PPM1L: variants seen among roughly 807,000 people sequenced by gnomAD.
PPM1L encodes the protein protein phosphatase 1L.
PPM1L carries 13 observed loss-of-function variants against 31.4 expected under a neutral mutation model. That is an observed-to-expected ratio of 0.41 (90% confidence interval 0.27 to 0.66). PPM1L has a LOEUF of 0.66. PPM1L is among the 30% of genes least tolerant of loss of function. PPM1L has a pLI of 0.29. For missense variants in PPM1L, 326 were observed against 453.7 expected (o/e 0.72, Z 2.56); for synonymous variants, 184 against 175.4 (o/e 1.05, Z -0.39).
intron 1 of PPM1L, among the ~76,000 whole-genome samples, chr3:160,816,934 A>C (rs909881387): frequency 7.9e-5 from 12 of 152,122 alleles, no homozygotes; most frequent in Non-Finnish European, 1.8e-4. Flanking sequence ...TGATTAGAAT[A>C]GTGATCAATA....
intron 1 of PPM1L, among the ~76,000 whole-genome samples, chr3:160,915,831 G>C (rs1466489566): frequency 6.6e-6 from 1 of 152,128 alleles, no homozygotes; most frequent in East Asian, 1.9e-4. Context: ...TTTAATAAAT[G>C]GTGCTGGGAA....
At chr3:160,819,413 AACTCATTTTCCTGTGGAC>A (rs1421699696) in intron 1 of PPM1L, among the ~76,000 whole-genome samples, 1 of 151,982 alleles carries the variant, frequency 6.6e-6, no homozygotes, top group African/African-American at 2.4e-5. Flanking sequence ...GCCTTTCCAA[AACTCATTTTCCTGTGGAC>A]AAATGAAGCC....
chr3:160,895,305 T>C (rs1472522757), intron 1 of PPM1L, among the ~76,000 whole-genome samples: 2 of 152,144 alleles, frequency 1.3e-5, no homozygotes, highest in Non-Finnish European at 2.9e-5. Flanking sequence ...TTTAAACTCT[T>C]GGGCTCAAGC....
intron 1 of PPM1L, among the ~76,000 whole-genome samples, chr3:160,936,442 A>G (rs951590507): frequency 6.6e-6 from 1 of 152,288 alleles, no homozygotes; most frequent in Admixed American, 6.5e-5. Flanking sequence ...TCTGAGATTC[A>G]TTCAACCCTA....
intron 1 of PPM1L, among the ~76,000 whole-genome samples, chr3:160,947,341 C>A (rs1485264565): frequency 6.6e-6 from 1 of 152,164 alleles, no homozygotes; most frequent in African/African-American, 2.4e-5. Context: ...TAAAATACAA[C>A]TTCTATTCAC....
Position 160,958,301 on chromosome 3 carries a change from A to G in PPM1L, c.400-3435A>G, listed in dbSNP as rs560547448. On this transcript the variant is annotated intron_variant, in intron 1 of 3. Transcript: ENST00000498165. ...TTTTTATAGTTTTGAGTTTTACATT[A>G]AAGTCTTTAATCCATCTCGAGTTAA... Among the ~76,000 whole-genome samples the G allele has an allele frequency of 6.5e-4, 99 of 152,300 alleles. 1 individual carries two copies. The South Asian group carries it at 0.012, about 18-fold the overall frequency.
chr3:160,818,083 T>C (rs1378660), intron 1 of PPM1L, among the ~76,000 whole-genome samples: 82,989 of 151,750 alleles, frequency 0.55, 26,096 homozygotes, highest in African/African-American at 0.87. Flanking sequence ...CAAAAAGTAC[T>C]AGTCAGGGAA....
chr3:160,784,893 A>G (rs778906981), intron 1 of PPM1L, among the ~76,000 whole-genome samples: 1 of 152,248 alleles, frequency 6.6e-6, no homozygotes, highest in Admixed American at 6.5e-5. Flanking sequence ...GTGCTGATCA[A>G]CAAGCTAGGA....
intron 1 of PPM1L, among the ~76,000 whole-genome samples, chr3:160,839,210 A>T (rs77367803): frequency 0.03 from 4,638 of 152,330 alleles, 219 homozygotes; most frequent in African/African-American, 0.11. Context: ...ATAGTGACAG[A>T]AAACAGACTA....
chr3:160,853,257 G>A (rs1415731771), intron 1 of PPM1L, among the ~76,000 whole-genome samples: 1 of 152,134 alleles, frequency 6.6e-6, no homozygotes, highest in Non-Finnish European at 1.5e-5. Context: ...CTGGAGATTA[G>A]GACATATACG....
At chr3:161,066,397 A>C (rs1327812601) in intron 3 of PPM1L, among the ~76,000 whole-genome samples, 1 of 152,162 alleles carries the variant, frequency 6.6e-6, no homozygotes, top group Non-Finnish European at 1.5e-5. Context: ...AAAATAGTAA[A>C]AGTAAGTCAT....
intron 1 of PPM1L, among the ~76,000 whole-genome samples, chr3:160,938,197 G>A (rs1715043008): frequency 6.6e-6 from 1 of 152,170 alleles, no homozygotes. Context: ...TGTCCCTAAT[G>A]TGACAGCAGG....
chr3:160,781,014 C>A (rs933846658), intron 1 of PPM1L, among the ~76,000 whole-genome samples: 1 of 152,094 alleles, frequency 6.6e-6, no homozygotes, highest in Non-Finnish European at 1.5e-5. Flanking sequence ...AGTCTTTACT[C>A]TTCATTTAGC....
At chr3:161,057,582 C>T (rs996862562) in intron 2 of PPM1L, among the ~76,000 whole-genome samples, 1 of 152,070 alleles carries the variant, frequency 6.6e-6, no homozygotes, top group Non-Finnish European at 1.5e-5. Flanking sequence ...AGCTGCCTTT[C>T]GCTTGGCTTG....
chr3:160,772,396 G>A (rs1278101786), intron 1 of PPM1L, among the ~76,000 whole-genome samples: 1 of 152,172 alleles, frequency 6.6e-6, no homozygotes, highest in Non-Finnish European at 1.5e-5. Context: ...AAATAGGATG[G>A]CAACAGGAGT....
rs75599237 is a variant in PPM1L, at chr3:160,973,764, G to GTTTTTTTTTTTTT, written c.574+11871_574+11883dup. 2.8e-3 allele frequency among the ~76,000 whole-genome samples: 245 copies of GTTTTTTTTTTTTT among 88,426 alleles called. 19 individuals carry two copies. Among genetic ancestry groups the GTTTTTTTTTTTTT allele is most frequent in the Non-Finnish European group, 4.6e-3 (181 of 39,130 alleles). The allele number at this position is 88,426 out of a possible 152,430, so 58.0% of individuals were successfully genotyped here. On this transcript the variant is annotated intron_variant, in intron 2 of 3. Coordinates refer to ENST00000498165, the MANE Select transcript of PPM1L (RefSeq NM_139245.4). ...GGTAAATTGCCTTCTGAAAGGCCCT[G>GTTTTTTTTTTTTT]TTTTTTTTTTTTTTTTTTTTTTTTT...
At chr3:160,812,420 AG>A (rs2108085270) in intron 1 of PPM1L, among the ~76,000 whole-genome samples, 1 of 152,286 alleles carries the variant, frequency 6.6e-6, no homozygotes, top group African/African-American at 2.4e-5. Context: ...GCTTTATACC[AG>A]GAGGACTCAG....
chr3:161,052,269 C>T (rs1719301249), intron 2 of PPM1L, among the ~76,000 whole-genome samples: 1 of 152,180 alleles, frequency 6.6e-6, no homozygotes, highest in African/African-American at 2.4e-5. Flanking sequence ...CTTGGAGATC[C>T]TCACATCAAA....
At chr3:160,828,130 T>A (rs1450582668) in intron 1 of PPM1L, among the ~76,000 whole-genome samples, 1 of 151,904 alleles carries the variant, frequency 6.6e-6, no homozygotes, top group East Asian at 1.9e-4. Flanking sequence ...AGCATGAGAT[T>A]TGAGGGGTGG....
Sources: allele counts gnomAD v4.1 joint callset (sites outside exome capture counted in the v4.1 genomes callset), GRCh38; gene constraint gnomAD v4.1.1; transcripts MANE v1.5; gene names NCBI Gene and HGNC (gene_info 2026-07-23, HGNC 2026-07-21).